OTUB2: variants seen among roughly 807,000 people sequenced by gnomAD.
OTUB2 encodes the protein OTU deubiquitinase, ubiquitin aldehyde binding 2.
OTUB2 carries 21 observed loss-of-function variants against 25.1 expected under a neutral mutation model. The observed-to-expected ratio is 0.84, with a 90% CI of 0.59 to 1.21. The LOEUF (loss-of-function observed/expected upper bound fraction) is 1.21, where lower values mean the gene tolerates loss of function less well. Ranked by LOEUF, OTUB2 falls within the 50% of genes most tolerant of loss-of-function variation. The pLI, the probability that OTUB2 is intolerant of heterozygous loss-of-function variation, is 0.00. For synonymous variants in OTUB2, 122 were observed against 122.8 expected, an observed-to-expected ratio of 0.99 and a Z score of 0.04; for missense variants, 283 against 298.0, an observed-to-expected ratio of 0.95 and a Z score of 0.37.
chr14:94,028,112 G>A (rs539081498), intron 1 of OTUB2, among the ~76,000 whole-genome samples: 1 of 152,372 alleles, frequency 6.6e-6, no homozygotes, highest in Admixed American at 6.5e-5. Context: ...CTGGAAGTTA[G>A]ATGGCAGATG....
At chr14:94,032,972 T>G (rs939366150) in intron 1 of OTUB2, among the ~76,000 whole-genome samples, 3 of 152,216 alleles carry the variant, frequency 2.0e-5, no homozygotes, top group African/African-American at 7.2e-5. Context: ...AGTGCAGTGG[T>G]GCGGTCACGG....
At chr14:94,041,026 C>T (rs554099802) in intron 3 of OTUB2, among the ~76,000 whole-genome samples, 24 of 152,156 alleles carry the variant, frequency 1.6e-4, no homozygotes, top group East Asian at 1.2e-3. Flanking sequence ...GCAGGACAGA[C>T]GGGGGCGGAG....
At chr14:94,028,438 C>G (rs78158755) in intron 1 of OTUB2, among the ~76,000 whole-genome samples, 1 of 152,146 alleles carries the variant, frequency 6.6e-6, no homozygotes, top group Non-Finnish European at 1.5e-5. Context: ...TGAGGAAGGG[C>G]GCCCCGTGGA....
intron 3 of OTUB2, among the ~76,000 whole-genome samples, chr14:94,042,613 T>C (rs1885185283): frequency 6.6e-6 from 1 of 152,192 alleles, no homozygotes; most frequent in South Asian, 2.1e-4. Context: ...AGCTGCTTCC[T>C]GGAGCTGCTT....
chr14:94,032,220 G>T (rs752144705), intron 1 of OTUB2, among the ~76,000 whole-genome samples: 3 of 152,178 alleles, frequency 2.0e-5, no homozygotes, highest in Non-Finnish European at 4.4e-5. Context: ...CCACTGGTGC[G>T]CTGGAGCTAG....
In OTUB2 at chr14:94,045,754, G is replaced by C; in HGVS notation, c.537G>C (p.Gln179His). 6.2e-7 allele frequency: 1 copy of C among 1,614,222 alleles called. No homozygotes were observed. The highest frequency in any genetic ancestry group is 8.5e-7 in the Non-Finnish European group (1 of 1,180,050). The change falls in exon 6 of 6, where the codon CAG (glutamine) becomes CAC (histidine). Residue 179 changes from glutamine (Q) to histidine (H), a missense_variant. Physicochemically the swap from Gln to His is conservative, Grantham distance 24 (BLOSUM62 0). Transcript: ENST00000203664. ...EPMATECDHIQITALSQALSI... is the reference protein window; with the variant it reads ...EPMATECDHIHITALSQALSI... ...TGGCCACGGAGTGTGACCACATCCA[G>C]ATCACGGCGTTGTCGCAGGCCCTGA...
chr14:94,036,120 G>A (rs781648706), intron 1 of OTUB2, among the ~76,000 whole-genome samples: 1 of 152,176 alleles, frequency 6.6e-6, no homozygotes, highest in South Asian at 2.1e-4. Flanking sequence ...TGGAGAAAGG[G>A]GTTTGTAGCA....
intron 2 of OTUB2, among the ~76,000 whole-genome samples, chr14:94,037,870 A>G (rs933339631): frequency 6.6e-6 from 1 of 152,244 alleles, no homozygotes; most frequent in Non-Finnish European, 1.5e-5. Context: ...AGCCACATTC[A>G]TAACTGCTGT....
In OTUB2 at chr14:94,044,636, G is replaced by A. The variant is rs1269208094; in HGVS notation, c.354G>A (p.Leu118=). Residue 118 remains leucine (L), a synonymous_variant, in exon 5 of 6, where the codon CTG becomes CTA. Transcript: ENST00000203664. ...AGAAGGATGGCTCAGTGTCCAGCCTGCTGAAGGTGTTCAACGACCAGAGTG... is the reference window on the plus strand; with the variant it reads ...AGAAGGATGGCTCAGTGTCCAGCCTACTGAAGGTGTTCAACGACCAGAGTG... ...LVEKDGSVSS[L]LKVFNDQSAS... The A allele has an allele frequency of 6.2e-7, 1 of 1,614,162 alleles. No homozygotes were observed. The highest frequency in any genetic ancestry group is 1.7e-5 in the Admixed American group (1 of 60,024).
chr14:94,037,364 C>T lies in OTUB2; in HGVS notation c.4-16C>T, dbSNP rs778452510. The T allele has an allele frequency of 1.9e-6, 3 of 1,543,444 alleles. No individual in the cohort carries two copies. Among genetic ancestry groups the T allele is most frequent in the Non-Finnish European group, 2.7e-6 (3 of 1,118,728 alleles). On this transcript the variant is annotated splice_polypyrimidine_tract_variant and intron_variant, in intron 1 of 5. Transcript: ENST00000203664. The stretch of plus-strand genomic sequence containing the variant: ...TTTGAAATTGTCACAGCATTTCTTC[C>T]TTCCCTATCTTTCAGAGTGAAACAT...
rs779223713 is a variant in OTUB2, at chr14:94,045,772, G to C, written c.555G>C (p.Gln185His). The change falls in exon 6 of 6, where the codon CAG becomes CAC. Residue 185 changes from glutamine to histidine, a missense_variant. Gln to His is a conservative substitution (Grantham distance 24). Coordinates refer to ENST00000203664, the MANE Select transcript of OTUB2 (RefSeq NM_023112.4). Reference sequence around the variant, plus strand: ...ACATCCAGATCACGGCGTTGTCGCAGGCCCTGAGCATTGCCCTGCAAGTGG... The same window carrying C: ...ACATCCAGATCACGGCGTTGTCGCACGCCCTGAGCATTGCCCTGCAAGTGG... ...CDHIQITALS[Q>H]ALSIALQVEY... The C allele has an allele frequency of 1.9e-6, 3 of 1,614,204 alleles. No homozygotes were observed. The highest frequency in any genetic ancestry group is 2.5e-6 in the Non-Finnish European group (3 of 1,180,040).
intron 1 of OTUB2, among the ~76,000 whole-genome samples, chr14:94,034,425 C>T (rs1027566065): frequency 6.6e-6 from 1 of 152,192 alleles, no homozygotes; most frequent in Non-Finnish European, 1.5e-5. Context: ...CTTGGTCCCT[C>T]AAGACCTCTG....
chr14:94,033,478 A>C (rs1431925484), intron 1 of OTUB2, among the ~76,000 whole-genome samples: 1 of 152,216 alleles, frequency 6.6e-6, no homozygotes, highest in Admixed American at 6.5e-5. Context: ...GACACCCTGC[A>C]GAGGAAATGT....
At chr14:94,031,766 C>T (rs1004911189) in intron 1 of OTUB2, among the ~76,000 whole-genome samples, 4 of 152,176 alleles carry the variant, frequency 2.6e-5, no homozygotes, top group African/African-American at 9.7e-5. Context: ...TATTCCTCCA[C>T]GCAAGCTGCT....
chr14:94,041,557 ATCT>A (rs887685515), intron 3 of OTUB2, among the ~76,000 whole-genome samples: 2 of 151,694 alleles, frequency 1.3e-5, no homozygotes, highest in African/African-American at 2.4e-5. Context: ...CTCAGCCTGC[ATCT>A]TCTTAACACA....
chr14:94,044,257 T>G (rs1311475052), intron 4 of OTUB2, among the ~76,000 whole-genome samples: 2 of 152,022 alleles, frequency 1.3e-5, no homozygotes, highest in Non-Finnish European at 2.9e-5. Context: ...TGCCTCCCTA[T>G]CCAATTAGTG....
intron 1 of OTUB2, among the ~76,000 whole-genome samples, chr14:94,028,036 T>G (rs1225321575): frequency 2.6e-5 from 4 of 152,326 alleles, no homozygotes; most frequent in Admixed American, 2.0e-4. Context: ...GCAGAGGCGG[T>G]AGCTGCTCTT....
rs779038855 is a variant in OTUB2, at chr14:94,043,982, G to A, written c.230G>A (p.Arg77His). 9.3e-6 allele frequency: 15 copies of A among 1,614,150 alleles called. No individual in the cohort carries two copies. The highest frequency in any genetic ancestry group is 6.6e-5 in the South Asian group (6 of 91,082). The change falls in exon 4 of 6, where the codon CGC becomes CAC. Residue 77 changes from arginine to histidine, a missense_variant. Physicochemically the swap from Arg to His is conservative, Grantham distance 29 (BLOSUM62 0). Coordinates refer to ENST00000203664, the MANE Select transcript of OTUB2 (RefSeq NM_023112.4). ...KSREIFKFKE[R>H]VLQTPNDLLA... ...TTCCCCCTCTGTAGGTTCAAAGAACGCGTACTGCAGACCCCAAATGACCTT... is the reference window on the plus strand; with the variant it reads ...TTCCCCCTCTGTAGGTTCAAAGAACACGTACTGCAGACCCCAAATGACCTT...
intron 1 of OTUB2, among the ~76,000 whole-genome samples, chr14:94,030,235 G>A (rs941940330): frequency 1.3e-5 from 2 of 152,084 alleles, no homozygotes; most frequent in Non-Finnish European, 2.9e-5. Context: ...CTCCCTGGGG[G>A]GAGATGATGG....
Sources: gnomAD v4.1 joint callset for allele counts (sites outside exome capture counted in the v4.1 genomes callset) on GRCh38, gnomAD v4.1.1 for gene constraint, MANE v1.5 for transcripts, NCBI Gene and HGNC (gene_info 2026-07-23, HGNC 2026-07-21) for gene names.